SSBP3: variants seen among roughly 807,000 people sequenced by gnomAD.
SSBP3 encodes the protein single-stranded DNA-binding protein 3.
In SSBP3, 5 loss-of-function variants were observed where a neutral mutation model predicts 69.6. That is an observed-to-expected ratio of 0.07 (90% CI 0.04 to 0.15). The LOEUF is 0.15. SSBP3 is among the 10% of genes least tolerant of loss of function. The pLI, the probability that SSBP3 is intolerant of heterozygous loss-of-function variation, is 1.00. For synonymous variants in SSBP3, 196 were observed against 193.4 expected (o/e 1.01, Z -0.11); for missense variants, 312 against 534.0 (o/e 0.58, Z 4.10).
intron 4 of SSBP3, among the ~76,000 whole-genome samples, chr1:54,311,640 C>T (rs997210255): frequency 4.6e-5 from 7 of 152,156 alleles, no homozygotes; most frequent in African/African-American, 1.2e-4. Flanking sequence ...GCATCACCAC[C>T]GTCACTCGGA....
chr1:54,364,049 C>T (rs1646990503), intron 4 of SSBP3, among the ~76,000 whole-genome samples: 1 of 152,214 alleles, frequency 6.6e-6, no homozygotes, highest in African/African-American at 2.4e-5. Flanking sequence ...TATGAGAAGA[C>T]ATCATGGCAG....
chr1:54,399,078 G>T (rs779799936), intron 4 of SSBP3, among the ~76,000 whole-genome samples: 1 of 152,176 alleles, frequency 6.6e-6, no homozygotes, highest in Non-Finnish European at 1.5e-5. Context: ...TCACTCACCC[G>T]CAAGTGACTT....
chr1:54,241,602 A>G, intron 11 of SSBP3, 93 bp from the exon 12 acceptor site: 1 of 1,382,038 alleles, frequency 7.2e-7, no homozygotes, highest in Admixed American at 1.7e-5. Flanking sequence ...TCTTCACAGG[A>G]AAGGCATCGC....
intron 4 of SSBP3, among the ~76,000 whole-genome samples, chr1:54,288,296 C>T (rs969548350): frequency 8.5e-5 from 13 of 152,294 alleles, no homozygotes; most frequent in Middle Eastern, 3.4e-3. Context: ...TCAGGCCTTC[C>T]TGCCCCGGGC....
chr1:54,230,420 C>G (rs950750454), intron 14 of SSBP3, among the ~76,000 whole-genome samples: 3 of 152,196 alleles, frequency 2.0e-5, no homozygotes, highest in Non-Finnish European at 4.4e-5. Flanking sequence ...ATGTCATTAC[C>G]TTAACATGAA....
At chr1:54,298,793 G>C (rs1362992370) in intron 4 of SSBP3, among the ~76,000 whole-genome samples, 1 of 152,118 alleles carries the variant, frequency 6.6e-6, no homozygotes, top group Non-Finnish European at 1.5e-5. Context: ...AAAACACCAT[G>C]GTCAGCGTGT....
chr1:54,274,115 G>A (rs1006581272), intron 5 of SSBP3, among the ~76,000 whole-genome samples: 5 of 152,164 alleles, frequency 3.3e-5, no homozygotes, highest in African/African-American at 1.2e-4. Context: ...GCATCTATCA[G>A]ACAGACTCCC....
chr1:54,343,856 A>T (rs1320877181), intron 4 of SSBP3, among the ~76,000 whole-genome samples: 1 of 152,226 alleles, frequency 6.6e-6, no homozygotes, highest in Non-Finnish European at 1.5e-5. Flanking sequence ...AATCACAAAA[A>T]GCTTTGGACC....
chr1:54,377,139 C>G (rs1266143802), intron 4 of SSBP3, among the ~76,000 whole-genome samples: 4 of 152,180 alleles, frequency 2.6e-5, no homozygotes, highest in Non-Finnish European at 5.9e-5. Context: ...TAAAGGCAAG[C>G]AATCAATAAA....
chr1:54,331,307 C>G (rs76339614), intron 4 of SSBP3, among the ~76,000 whole-genome samples: 4,209 of 152,206 alleles, frequency 0.028, 196 homozygotes, highest in African/African-American at 0.097. Flanking sequence ...GCTACAGTCT[C>G]GGATATCCTT....
At chr1:54,411,616 G>A (rs1649993098) in intron 1 of SSBP3, among the ~76,000 whole-genome samples, 1 of 152,106 alleles carries the variant, frequency 6.6e-6, no homozygotes, top group Non-Finnish European at 1.5e-5. Context: ...AAGGCTGCCG[G>A]GCGCGGTGGT....
intron 7 of SSBP3, among the ~76,000 whole-genome samples, chr1:54,252,484 C>T (rs1021881125): frequency 6.6e-6 from 1 of 152,214 alleles, no homozygotes; most frequent in African/African-American, 2.4e-5. Context: ...ATCCCATCAG[C>T]TTCTACAATA....
At chr1:54,266,782 C>A (rs1645109941) in intron 5 of SSBP3, among the ~76,000 whole-genome samples, 1 of 151,692 alleles carries the variant, frequency 6.6e-6, no homozygotes, top group Non-Finnish European at 1.5e-5. Context: ...ACTGGCCAGG[C>A]ATCAGCACAC....
chr1:54,385,761 T>A (rs1051294247), intron 4 of SSBP3, among the ~76,000 whole-genome samples: 1 of 152,170 alleles, frequency 6.6e-6, no homozygotes, highest in Non-Finnish European at 1.5e-5. Flanking sequence ...TACTGCAGGC[T>A]GAGTACAATC....
intron 4 of SSBP3, among the ~76,000 whole-genome samples, chr1:54,358,678 C>T (rs768282922): frequency 8.5e-5 from 13 of 152,190 alleles, no homozygotes; most frequent in Non-Finnish European, 1.3e-4. Context: ...CAGTACCATC[C>T]TAGCTGGACA....
At chr1:54,367,903 C>T (rs569802870) in intron 4 of SSBP3, among the ~76,000 whole-genome samples, 1 of 152,170 alleles carries the variant, frequency 6.6e-6, no homozygotes, top group Non-Finnish European at 1.5e-5. Flanking sequence ...TGAAAAGAAT[C>T]TTAATGCAAA....
At chr1:54,342,768 GT>G (rs1468746996) in intron 4 of SSBP3, among the ~76,000 whole-genome samples, 1 of 152,118 alleles carries the variant, frequency 6.6e-6, no homozygotes, top group African/African-American at 2.4e-5. Context: ...ATTATGTGAG[GT>G]CATGCGGAAA....
intron 4 of SSBP3, among the ~76,000 whole-genome samples, chr1:54,322,136 T>C (rs184418868): frequency 6.6e-6 from 1 of 152,246 alleles, no homozygotes; most frequent in Admixed American, 6.5e-5. Context: ...ACAAGAAGGA[T>C]CTGGCTTCTC....
upstream of SSBP3, among the ~76,000 whole-genome samples, chr1:54,411,358 A>G (rs990954818): frequency 1.3e-5 from 2 of 151,806 alleles, no homozygotes; most frequent in African/African-American, 4.8e-5. Flanking sequence ...TGTGCCTGTA[A>G]TCTCAGCTAC....
Sources: gnomAD v4.1 joint callset for allele counts (sites outside exome capture counted in the v4.1 genomes callset) on GRCh38, gnomAD v4.1.1 for gene constraint, MANE v1.5 for transcripts, NCBI Gene and HGNC (gene_info 2026-07-23, HGNC 2026-07-21) for gene names.